The following VSIR variants were observed in gnomAD, a reference collection of about 807,000 sequenced individuals.
The protein encoded by VSIR is V-set immunoregulatory receptor.
VSIR carries 10 observed loss-of-function variants against 31.0 expected under a neutral mutation model. That is an observed-to-expected ratio of 0.32 (90% CI 0.20 to 0.55). The LOEUF (loss-of-function observed/expected upper bound fraction) is 0.55. VSIR is among the 20% of genes least tolerant of loss of function. The pLI, the probability that VSIR is intolerant of heterozygous loss-of-function variation, is 0.93. For synonymous variants in VSIR, 179 were observed against 180.1 expected (o/e 0.99, Z 0.05); for missense variants, 356 against 416.2 (o/e 0.86, Z 1.26).
chr10:71,758,537 CG>C (rs1353725275), intron 3 of VSIR, among the ~76,000 whole-genome samples: 2 of 152,192 alleles, frequency 1.3e-5, no homozygotes, highest in African/African-American at 2.4e-5. Flanking sequence ...TGGCAAGCAC[CG>C]GGGGGCTAAC....
rs905329026 is a variant in VSIR at position 71,765,138 on chromosome 10, C to T, written c.83-3112G>A. 7.2e-5 allele frequency among the ~76,000 whole-genome samples: 11 copies of T among 152,352 alleles called. No homozygotes were observed. In the East Asian group the frequency reaches 2.1e-3, roughly 29 times the overall value. On this transcript the variant is annotated intron_variant, in intron 1 of 6. Coordinates refer to ENST00000394957, the MANE Select transcript of VSIR (RefSeq NM_022153.2). ...AAACCTGCCCCAAGGGGGCCCTGTGCTGCCCCCTTCCCCAGCAGGCCATGT... is the reference window on the plus strand; with the variant it reads ...AAACCTGCCCCAAGGGGGCCCTGTGTTGCCCCCTTCCCCAGCAGGCCATGT...
At chr10:71,769,087 G>T (rs970511540) in intron 1 of VSIR, among the ~76,000 whole-genome samples, 1 of 152,292 alleles carries the variant, frequency 6.6e-6, no homozygotes, top group Non-Finnish European at 1.5e-5. Flanking sequence ...GCCTGGCCAC[G>T]TCTACCACAT....
At chr10:71,767,239 G>A (rs142209136) in intron 1 of VSIR, among the ~76,000 whole-genome samples, 5 of 152,348 alleles carry the variant, frequency 3.3e-5, no homozygotes, top group Non-Finnish European at 5.9e-5. Flanking sequence ...CTGTGAGTGT[G>A]CACGGGATGG....
chr10:71,749,464 G>A lies in VSIR; in HGVS notation c.*1789C>T, dbSNP rs1178540221. On this transcript the variant is annotated 3_prime_UTR_variant, in exon 7 of 7. Coordinates refer to ENST00000394957, the MANE Select transcript of VSIR (RefSeq NM_022153.2). ...TGGGAGGACAGGTGTGTGCCACCAT[G>A]GCCAGCCAGCACCCTCTTCCTATGG... The A allele has an allele frequency of 6.6e-6, 1 of 152,268 alleles. No homozygotes were observed. Among genetic ancestry groups the A allele is most frequent in the Non-Finnish European group, 1.5e-5 (1 of 68,130 alleles). The allele number at this position is 152,268 out of a possible 1,614,324, so 9.4% of individuals were successfully genotyped here.
chr10:71,756,781 G>A (rs994596049), intron 3 of VSIR, among the ~76,000 whole-genome samples: 9 of 152,156 alleles, frequency 5.9e-5, no homozygotes, highest in East Asian at 1.9e-4. Context: ...TGTCAACTTC[G>A]CCCCAAAGAG....
At chr10:71,760,956 G>C in intron 2 of VSIR, 32 bp from the exon 3 acceptor site, 1 of 1,610,178 alleles carries the variant, frequency 6.2e-7, no homozygotes, top group Non-Finnish European at 8.5e-7. Flanking sequence ...CCATTAGGTG[G>C]GTGTCAGGCC....
chr10:71,753,352 C>T (rs191300183), intron 4 of VSIR, among the ~76,000 whole-genome samples: 91 of 152,354 alleles, frequency 6.0e-4, no homozygotes, highest in African/African-American at 2.1e-3. Context: ...ATTTAAGTAT[C>T]GAGCAAAGGT....
rs1839904970 is a variant in VSIR, at chr10:71,748,341, C to T, written c.*2912G>A. 6.6e-6 allele frequency: 1 copy of T among 152,668 alleles called. No individual in the cohort carries two copies. Among genetic ancestry groups the T allele is most frequent in the Non-Finnish European group, 1.5e-5 (1 of 68,360 alleles). 9.5% of individuals were successfully genotyped at this position (152,668 alleles called of 1,614,324 possible). ...AGGTCCTGGGGCTCCTGCACCTCCA[C>T]CCCAGCGCCCATCGCCACGGACTCC... On this transcript the variant is annotated 3_prime_UTR_variant, in exon 7 of 7. Transcript: ENST00000394957.
chr10:71,768,201 C>T (rs547768743), intron 1 of VSIR, among the ~76,000 whole-genome samples: 1 of 152,258 alleles, frequency 6.6e-6, no homozygotes, highest in Admixed American at 6.5e-5. Flanking sequence ...GATGGAGTCT[C>T]GCTCTGTTGC....
intron 4 of VSIR, 60 bp from the exon 5 acceptor site, chr10:71,753,062 C>T: frequency 6.3e-7 from 1 of 1,581,792 alleles, no homozygotes; most frequent in Non-Finnish European, 8.6e-7. Flanking sequence ...ATACAACATC[C>T]CTGCCCCTGC....
chr10:71,760,798 AGGGTCTG>A, intron 3 of VSIR, 63 bp downstream of exon 3: 1 of 1,470,462 alleles, frequency 6.8e-7, no homozygotes, highest in South Asian at 1.1e-5. Context: ...AGTTCCAAAC[AGGGTCTG>A]GGTGCAGGAT....
chr10:71,747,889 G>A lies in VSIR; in HGVS notation c.*3364C>T, dbSNP rs1564772574. ...ATAGTTAGGGTGACATAGCCTCCAT[G>A]GGGTGAAGAGAAGCAGCAATGCAAA... is the stretch of plus-strand genomic sequence containing the variant. On this transcript the variant is annotated 3_prime_UTR_variant, in exon 7 of 7. Transcript: ENST00000394957. 1 of 152,348 alleles carries A rather than the reference G, an allele frequency of 6.6e-6. No individual in the cohort carries two copies. Among genetic ancestry groups the A allele is most frequent in the Admixed American group, 6.5e-5 (1 of 15,288 alleles). The allele number at this position is 152,348 out of a possible 1,614,324, so 9.4% of individuals were successfully genotyped here.
chr10:71,767,164 A>G (rs1461965963), intron 1 of VSIR, among the ~76,000 whole-genome samples: 1 of 152,194 alleles, frequency 6.6e-6, no homozygotes, highest in Non-Finnish European at 1.5e-5. Context: ...TCTTGTTGGC[A>G]TCTTCTCAGA....
At position 71,751,640 on chromosome 10, in the gene VSIR, C is replaced by T. The variant is rs183458408; in HGVS notation, c.898+28G>A. On this transcript the variant is annotated intron_variant, in intron 6 of 6. Transcript: ENST00000394957. This position sits in a 1 kb window ranked among gnomAD's most constrained non-coding sequence, Gnocchi z 4.9. ...ATGAGGTCATGACCTTACAGGTCAT[C>T]GTGCTGTGAAGGTCAGGAAACACTT... The T allele has an allele frequency of 2.5e-3, 3,830 of 1,512,242 alleles. 51 individuals are homozygous for T. The highest frequency in any genetic ancestry group is 0.023 in the South Asian group (1,724 of 75,262). The allele number at this position is 1,512,242 out of a possible 1,614,324, so 93.7% of individuals were successfully genotyped here. A position where few individuals can be genotyped will look rare whatever the true frequency, so the allele number is the denominator to read the frequency against.
intron 1 of VSIR, among the ~76,000 whole-genome samples, chr10:71,768,013 C>G (rs1427512527): frequency 1.3e-5 from 2 of 152,204 alleles, no homozygotes; most frequent in Non-Finnish European, 2.9e-5. Flanking sequence ...TGGAGGAGGA[C>G]TGTGTGCAGC....
intron 4 of VSIR, among the ~76,000 whole-genome samples, chr10:71,754,707 G>C (rs1361380228): frequency 6.6e-6 from 1 of 152,182 alleles, no homozygotes; most frequent in Non-Finnish European, 1.5e-5. Context: ...CAGTAAAATG[G>C]GGACAATGGT....
intron 1 of VSIR, among the ~76,000 whole-genome samples, chr10:71,768,319 C>G (rs1344617078): frequency 6.6e-6 from 1 of 152,030 alleles, no homozygotes; most frequent in Non-Finnish European, 1.5e-5. Context: ...TACAGGCACC[C>G]GCCACCACGC....
chr10:71,748,129 A>G lies in VSIR; in HGVS notation c.*3124T>C, dbSNP rs745577. The G allele has an allele frequency of 0.13, 20,496 of 151,950 alleles. 1,580 individuals are homozygous for G. Among genetic ancestry groups the G allele is most frequent in the South Asian group, 0.36 (1,721 of 4,812 alleles). 9.4% of individuals were successfully genotyped at this position (151,950 alleles called of 1,614,324 possible). On this transcript the variant is annotated 3_prime_UTR_variant, in exon 7 of 7. Coordinates refer to ENST00000394957, the MANE Select transcript of VSIR (RefSeq NM_022153.2). ...AGCCCTGGGGAAGGCCTCATTCATGAGGCAGGACCCCAGGGGCCAAGTTGG... is the reference window on the plus strand; with the variant it reads ...AGCCCTGGGGAAGGCCTCATTCATGGGGCAGGACCCCAGGGGCCAAGTTGG...
At chr10:71,752,520 G>C (rs1303663717) in intron 5 of VSIR, among the ~76,000 whole-genome samples, 2 of 152,136 alleles carry the variant, frequency 1.3e-5, no homozygotes, top group Non-Finnish European at 2.9e-5. Context: ...CATCCCCTCT[G>C]CCCCTAGACC....
Sources: allele counts gnomAD v4.1 joint callset (sites outside exome capture counted in the v4.1 genomes callset), GRCh38; gene constraint gnomAD v4.1.1; non-coding constraint Gnocchi (gnomAD v3.1); transcripts MANE v1.5; gene names NCBI Gene and HGNC (gene_info 2026-07-23, HGNC 2026-07-21).